CUX1: variants seen among roughly 807,000 people sequenced by gnomAD.
CUX1 encodes protein CASP.
CUX1 carries 31 observed loss-of-function variants against 158.8 expected under a neutral mutation model. The ratio of observed to expected loss-of-function variants is 0.20; its 90% CI spans 0.15 to 0.26. The LOEUF is 0.26. CUX1 is among the 10% of genes least tolerant of loss of function. The pLI is 1.00. For synonymous variants in CUX1, 879 were observed against 862.1 expected, an observed-to-expected ratio of 1.02 and a Z score of -0.34; for missense variants, 1,589 against 2,014.6, an observed-to-expected ratio of 0.79 and a Z score of 4.04.
chr7:102,003,326 A>ACACACACACACACG (rs1007088122), intron 2 of CUX1, among the ~76,000 whole-genome samples: 1 of 149,336 alleles, frequency 6.7e-6, no homozygotes, highest in African/African-American at 2.5e-5. Context: ...ACACACACAC[A>ACACACACACACACG]CACACACACG....
At chr7:102,243,119 C>G (rs1800400710) in intron 23 of CUX1, among the ~76,000 whole-genome samples, 1 of 151,854 alleles carries the variant, frequency 6.6e-6, no homozygotes, top group Non-Finnish European at 1.5e-5. Context: ...ACTAAAAATA[C>G]AAAAATTAGC....
intron 3 of CUX1, among the ~76,000 whole-genome samples, chr7:102,059,788 C>T (rs181658910): frequency 3.9e-4 from 59 of 152,194 alleles, no homozygotes; most frequent in African/African-American, 1.3e-3. Flanking sequence ...AGCCAGACTT[C>T]GAGTGAGACA....
chr7:102,258,848 G>A (rs563180011), downstream of CUX1, among the ~76,000 whole-genome samples: 2 of 152,170 alleles, frequency 1.3e-5, no homozygotes, highest in African/African-American at 4.8e-5. Flanking sequence ...AGTGGCTTGC[G>A]GGTCTCTGGA....
intron 11 of CUX1, among the ~76,000 whole-genome samples, chr7:102,186,390 C>A (rs146971134): frequency 7.1e-4 from 108 of 152,162 alleles, no homozygotes; most frequent in African/African-American, 2.6e-3. Flanking sequence ...TTGGGGACTT[C>A]CTAGTTCAAC....
At chr7:101,841,843 A>G (rs1024964065) in intron 1 of CUX1, among the ~76,000 whole-genome samples, 1 of 152,122 alleles carries the variant, frequency 6.6e-6, no homozygotes, top group Non-Finnish European at 1.5e-5. Context: ...TACAGGCATG[A>G]GCCACCACTC....
chr7:101,825,232 A>T (rs972894401), intron 1 of CUX1, among the ~76,000 whole-genome samples: 3 of 152,260 alleles, frequency 2.0e-5, no homozygotes, highest in Admixed American at 6.5e-5. Context: ...TATAAGTCAT[A>T]CAGGTTTGAG....
At chr7:101,950,312 G>A (rs1374445899) in intron 2 of CUX1, among the ~76,000 whole-genome samples, 2 of 151,788 alleles carry the variant, frequency 1.3e-5, no homozygotes, top group African/African-American at 4.8e-5. Context: ...GCTCGGCCCA[G>A]AAGACTTATA....
intron 2 of CUX1, among the ~76,000 whole-genome samples, chr7:101,977,214 C>G (rs1381345705): frequency 6.6e-6 from 1 of 151,958 alleles, no homozygotes; most frequent in African/African-American, 2.4e-5. Flanking sequence ...CACCCAGCAC[C>G]CTTCCTGATT....
intron 11 of CUX1, among the ~76,000 whole-genome samples, chr7:102,184,438 C>T (rs1376871919): frequency 2.0e-5 from 3 of 152,164 alleles, no homozygotes; most frequent in African/African-American, 7.2e-5. Context: ...CTTGATCATC[C>T]TACATCTCAC....
intron 1 of CUX1, among the ~76,000 whole-genome samples, chr7:101,873,931 A>AT (rs1306184615): frequency 1.3e-5 from 2 of 152,326 alleles, no homozygotes; most frequent in African/African-American, 4.8e-5. Context: ...CTCTGTTTCT[A>AT]TTCAGTATCA....
chr7:102,249,805 A>G lies in CUX1; in HGVS notation c.*763A>G, dbSNP rs1006789554. 1 of 985,784 alleles carries G rather than the reference A, an allele frequency of 1.0e-6. No homozygotes were observed. The highest frequency in any genetic ancestry group is 1.2e-6 in the Non-Finnish European group (1 of 829,846). 61.1% of individuals were successfully genotyped at this position (985,784 alleles called of 1,614,324 possible). A position where few individuals can be genotyped will look rare whatever the true frequency, so the allele number is the denominator to read the frequency against. ...GTTTGGATTCCTAAATATTTTCAAG[A>G]AAAGAATCTTCTCGTTTGAAACTTT... On this transcript the variant is annotated 3_prime_UTR_variant, in exon 24 of 24. Coordinates refer to ENST00000292535, the MANE Select transcript of CUX1 (RefSeq NM_181552.4).
At chr7:101,896,181 A>G (rs1801496649) in intron 1 of CUX1, among the ~76,000 whole-genome samples, 2 of 152,036 alleles carry the variant, frequency 1.3e-5, no homozygotes, top group South Asian at 4.1e-4. Context: ...GGTGTGAGCC[A>G]CCATGCCTGG....
At position 102,170,496 on chromosome 7, in the gene CUX1, A is replaced by G. The variant is rs1554510090; in HGVS notation, c.774A>G (p.Ser258=). The G allele has an allele frequency of 1.9e-6, 3 of 1,593,910 alleles. No homozygotes were observed. Among genetic ancestry groups the G allele is most frequent in the Non-Finnish European group, 2.6e-6 (3 of 1,169,848 alleles). ...CGGAGACCTTAAGGGAACAGCTCTCATCGGCCAATCACTCCCTCCAGCTGG... is the reference window on the plus strand; with the variant it reads ...CGGAGACCTTAAGGGAACAGCTCTCGTCGGCCAATCACTCCCTCCAGCTGG... ...REAETLREQL[S]SANHSLQLAS... Residue 258 remains serine (S), a synonymous_variant, in exon 10 of 24, where the codon TCA becomes TCG. Transcript: ENST00000292535.
chr7:102,108,736 T>TTTTGTGTGTGTGTGTGTGTGTGTGTG (rs10529873), intron 6 of CUX1, among the ~76,000 whole-genome samples: 6 of 144,970 alleles, frequency 4.1e-5, no homozygotes, highest in African/African-American at 1.3e-4. Context: ...TTCATTCATT[T>TTTTGTGTGTGTGTGTGTGTGTGTGTG]TGTGTGTGTG....
intron 18 of CUX1, among the ~76,000 whole-genome samples, chr7:102,203,732 G>T (rs545429246): frequency 1.3e-5 from 2 of 152,120 alleles, no homozygotes; most frequent in South Asian, 2.1e-4. Context: ...TGTCCTGTGG[G>T]GGGTGTTTGT....
chr7:102,092,369 C>G (rs924744384), intron 4 of CUX1, among the ~76,000 whole-genome samples: 2 of 152,120 alleles, frequency 1.3e-5, no homozygotes, highest in Admixed American at 6.5e-5. Flanking sequence ...CCTTGCGCTG[C>G]CTGGCATTAC....
At chr7:102,052,698 A>C (rs1397627433) in intron 3 of CUX1, among the ~76,000 whole-genome samples, 4 of 152,174 alleles carry the variant, frequency 2.6e-5, no homozygotes, top group Non-Finnish European at 5.9e-5. Flanking sequence ...TATTTTTAAC[A>C]TTTTGAGGAA....
chr7:101,817,073 C>T (rs551520727), upstream of CUX1: 49 of 984,604 alleles, frequency 5.0e-5, no homozygotes, highest in African/African-American at 8.4e-4. This position sits in a 1 kb window ranked among gnomAD's most constrained non-coding sequence, Gnocchi z 4.1. Flanking sequence ...TGGCGAGGGG[C>T]GGCGGGGGTG....
intron 3 of CUX1, among the ~76,000 whole-genome samples, chr7:102,052,051 A>T (rs1028694536): frequency 6.6e-6 from 1 of 152,108 alleles, no homozygotes; most frequent in African/African-American, 2.4e-5. Context: ...GTCTCTACTA[A>T]AAAAACGAAG....
Sources: allele counts gnomAD v4.1 joint callset (sites outside exome capture counted in the v4.1 genomes callset), GRCh38; gene constraint gnomAD v4.1.1; non-coding constraint Gnocchi (gnomAD v3.1); transcripts MANE v1.5; gene names NCBI Gene and HGNC (gene_info 2026-07-23, HGNC 2026-07-21).